The following DPP10 variants were observed in gnomAD, a reference collection of about 807,000 sequenced individuals.
DPP10 encodes the protein inactive dipeptidyl peptidase 10.
DPP10 carries 33 observed loss-of-function variants against 120.9 expected under a neutral mutation model. That is an observed-to-expected ratio of 0.27 (90% CI 0.21 to 0.37). The LOEUF (loss-of-function observed/expected upper bound fraction) is 0.37. Ranked by LOEUF, DPP10 falls within the 10% of genes least tolerant of loss-of-function variation. The pLI, the probability that DPP10 is intolerant of heterozygous loss-of-function variation, is 1.00. For missense variants in DPP10, 816 were observed against 942.8 expected (o/e 0.87, Z 1.76); for synonymous variants, 337 against 326.1 (o/e 1.03, Z -0.36).
chr2:115,002,253 A>G (rs1701492777), intron 1 of DPP10, among the ~76,000 whole-genome samples: 1 of 152,188 alleles, frequency 6.6e-6, no homozygotes, highest in Admixed American at 6.5e-5. Context: ...GAAAAAGCTG[A>G]CAAAAATAAG....
intron 1 of DPP10, among the ~76,000 whole-genome samples, chr2:115,027,600 G>T (rs1379781336): frequency 6.6e-6 from 1 of 151,842 alleles, no homozygotes; most frequent in East Asian, 1.9e-4. Context: ...TTCTTTTTTT[G>T]TGGTGTGTTT....
At chr2:115,238,906 TGCAAGCTGAGGA>T (rs941134337) in intron 1 of DPP10, among the ~76,000 whole-genome samples, 39 of 152,300 alleles carry the variant, frequency 2.6e-4, no homozygotes, top group African/African-American at 8.7e-4. Context: ...ATAGGCCATC[TGCAAGCTGAGGA>T]GCAAGGAAGC....
chr2:115,587,164 C>A (rs893005636), intron 5 of DPP10, among the ~76,000 whole-genome samples: 13 of 128,930 alleles, frequency 1.0e-4, no homozygotes, highest in African/African-American at 3.6e-4. Flanking sequence ...GTGGCACGAT[C>A]TTGGCTCACT....
intron 1 of DPP10, among the ~76,000 whole-genome samples, chr2:115,100,844 A>C (rs542103773): frequency 3.3e-5 from 5 of 152,160 alleles, no homozygotes; most frequent in Non-Finnish European, 7.4e-5. Flanking sequence ...TTATCCTTCC[A>C]GGCCCCTGAA....
intron 21 of DPP10, among the ~76,000 whole-genome samples, chr2:115,817,884 G>C (rs114294747): frequency 0.013 from 1,948 of 151,870 alleles, 42 homozygotes; most frequent in African/African-American, 0.042. Flanking sequence ...TAGAGTGGTT[G>C]AGTTCATGAA....
intron 1 of DPP10, among the ~76,000 whole-genome samples, chr2:114,631,375 C>T (rs1573837613): frequency 6.6e-6 from 1 of 152,076 alleles, no homozygotes; most frequent in Admixed American, 6.5e-5. Flanking sequence ...TGCTCTACCC[C>T]GCCTCTATCC....
At chr2:115,656,915 G>A (rs1016127630) in intron 5 of DPP10, among the ~76,000 whole-genome samples, 14 of 151,462 alleles carry the variant, frequency 9.2e-5, no homozygotes, top group Non-Finnish European at 3.0e-5. Context: ...TGCGTGAGGA[G>A]AAAAATGGAA....
At chr2:115,706,587 T>A (rs1296938773) in intron 7 of DPP10, among the ~76,000 whole-genome samples, 1 of 151,998 alleles carries the variant, frequency 6.6e-6, no homozygotes, top group African/African-American at 2.4e-5. Context: ...TATTAGACTC[T>A]TTCTGTATCA....
intron 5 of DPP10, among the ~76,000 whole-genome samples, chr2:115,689,474 A>G (rs754104159): frequency 9.4e-4 from 143 of 152,328 alleles, no homozygotes; most frequent in Admixed American, 1.6e-3. Flanking sequence ...TACTCAGGAT[A>G]GAGTGGATTA....
At chr2:115,353,472 A>T (rs1368247292) in intron 3 of DPP10, among the ~76,000 whole-genome samples, 6 of 152,106 alleles carry the variant, frequency 3.9e-5, no homozygotes, top group Non-Finnish European at 8.8e-5. Context: ...TAGCAGATTA[A>T]CCCTTTATTA....
intron 7 of DPP10, among the ~76,000 whole-genome samples, chr2:115,712,533 T>C (rs2092352298): frequency 8.7e-6 from 1 of 115,262 alleles, no homozygotes; most frequent in East Asian, 2.9e-4. Context: ...CTTTGAAGAG[T>C]CCTGAATTAA....
At chr2:115,004,254 T>TA (rs1461867920) in intron 1 of DPP10, among the ~76,000 whole-genome samples, 1 of 152,190 alleles carries the variant, frequency 6.6e-6, no homozygotes, top group African/African-American at 2.4e-5. Context: ...TTTGATATAT[T>TA]AGCAGGGTGA....
At chr2:114,938,424 A>T (rs1574524693) in intron 1 of DPP10, among the ~76,000 whole-genome samples, 2 of 152,270 alleles carry the variant, frequency 1.3e-5, no homozygotes, top group East Asian at 3.9e-4. Context: ...ATTGAAGAAG[A>T]TAAATATAAT....
Position 115,836,800 on chromosome 2 carries a change from G to T in DPP10, c.2182+54G>T. ...GATAGGGTATGACCTTTTACAAAGG[G>T]ATACATCTAAGGACTTGCTTACAGG... On this transcript the variant is annotated intron_variant, in intron 24 of 25. Transcript: ENST00000410059. 3.3e-6 allele frequency: 5 copies of T among 1,537,782 alleles called. No homozygotes were observed. The Admixed American group carries it at 9.5e-5, about 29-fold the overall frequency.
chr2:114,610,908 C>T (rs187590939), intron 1 of DPP10, among the ~76,000 whole-genome samples: 2 of 152,032 alleles, frequency 1.3e-5, no homozygotes, highest in African/African-American at 4.8e-5. Flanking sequence ...GCCACCACCA[C>T]CCCCCTTCTC....
At chr2:114,644,717 C>T (rs1033734923) in intron 1 of DPP10, among the ~76,000 whole-genome samples, 2 of 151,882 alleles carry the variant, frequency 1.3e-5, no homozygotes, top group Non-Finnish European at 1.5e-5. Context: ...TGCCTGTCTT[C>T]TGTAGTTATT....
At chr2:115,630,903 T>G (rs1225952376) in intron 5 of DPP10, among the ~76,000 whole-genome samples, 2 of 152,200 alleles carry the variant, frequency 1.3e-5, no homozygotes, top group African/African-American at 2.4e-5. Flanking sequence ...GGTATCAGGA[T>G]GATGCTGGCT....
At chr2:115,556,229 TGAAAG>T (rs2080202126) in intron 5 of DPP10, among the ~76,000 whole-genome samples, 1 of 151,904 alleles carries the variant, frequency 6.6e-6, no homozygotes, top group Non-Finnish European at 1.5e-5. Context: ...TTGAAAAAAA[TGAAAG>T]GAAAACCCCC....
At chr2:114,661,707 T>C (rs1387207595) in intron 1 of DPP10, among the ~76,000 whole-genome samples, 1 of 152,150 alleles carries the variant, frequency 6.6e-6, no homozygotes, top group Non-Finnish European at 1.5e-5. Context: ...AAAGTATGAG[T>C]AAGAAACAGG....
Sources: gnomAD v4.1 joint callset for allele counts (sites outside exome capture counted in the v4.1 genomes callset) on GRCh38, gnomAD v4.1.1 for gene constraint, MANE v1.5 for transcripts, NCBI Gene and HGNC (gene_info 2026-07-23, HGNC 2026-07-21) for gene names.